The following CDC42BPA variants were observed in gnomAD, a reference collection of about 807,000 sequenced individuals.
CDC42BPA encodes serine/threonine-protein kinase MRCK alpha.
In CDC42BPA, 80 loss-of-function variants were observed where a neutral mutation model predicts 223.5. The observed-to-expected ratio is 0.36, with a 90% CI of 0.30 to 0.43. CDC42BPA has a LOEUF of 0.43. CDC42BPA is among the 20% of genes least tolerant of loss of function. CDC42BPA has a pLI of 1.00. For synonymous variants in CDC42BPA, 694 were observed against 718.6 expected, an observed-to-expected ratio of 0.97 and a Z score of 0.55; for missense variants, 1,743 against 2,099.9, an observed-to-expected ratio of 0.83 and a Z score of 3.32.
chr1:227,227,634 T>C (rs946786501), intron 2 of CDC42BPA, among the ~76,000 whole-genome samples: 17 of 152,202 alleles, frequency 1.1e-4, no homozygotes, highest in African/African-American at 4.1e-4. Flanking sequence ...TATCCAGGCA[T>C]CATAGCTGGC....
chr1:227,051,263 G>A (rs1433931801), intron 22 of CDC42BPA, among the ~76,000 whole-genome samples: 9 of 152,196 alleles, frequency 5.9e-5, no homozygotes, highest in African/African-American at 2.2e-4. Flanking sequence ...TGATCTTAAG[G>A]TAGGATGGTA....
chr1:227,217,264 T>C (rs1675020694), intron 2 of CDC42BPA, among the ~76,000 whole-genome samples: 1 of 151,748 alleles, frequency 6.6e-6, no homozygotes, highest in African/African-American at 2.4e-5. Context: ...CTGGCCAACA[T>C]AATGAAACCC....
chr1:227,224,124 GT>G (rs2147894402), intron 2 of CDC42BPA, among the ~76,000 whole-genome samples: 1 of 151,790 alleles, frequency 6.6e-6, no homozygotes, highest in Non-Finnish European at 1.5e-5. Context: ...ATTTTATGAA[GT>G]TTTTGTATTC....
chr1:227,200,385 C>T (rs4525011), intron 3 of CDC42BPA, among the ~76,000 whole-genome samples: 101,994 of 149,590 alleles, frequency 0.68, 35,020 homozygotes, highest in South Asian at 0.73. Flanking sequence ...GGGCCAAGAT[C>T]GCACCACTGC....
intron 14 of CDC42BPA, among the ~76,000 whole-genome samples, chr1:227,105,730 C>T (rs1558508656): frequency 6.6e-6 from 1 of 152,106 alleles, no homozygotes; most frequent in Non-Finnish European, 1.5e-5. Flanking sequence ...GCTTCTTTTA[C>T]TTAGTACGTT....
intron 24 of CDC42BPA, among the ~76,000 whole-genome samples, chr1:227,037,994 T>C (rs930787569): frequency 6.6e-6 from 1 of 152,172 alleles, no homozygotes; most frequent in African/African-American, 2.4e-5. Flanking sequence ...GGTGAAATCA[T>C]TGATGCTTTA....
chr1:227,283,408 T>G (rs1417718395), intron 1 of CDC42BPA, among the ~76,000 whole-genome samples: 1 of 152,172 alleles, frequency 6.6e-6, no homozygotes, highest in African/African-American at 2.4e-5. Context: ...ATGATAATAT[T>G]TACTAATAGT....
At chr1:227,161,817 T>G (rs1410191368) in intron 5 of CDC42BPA, among the ~76,000 whole-genome samples, 3 of 152,190 alleles carry the variant, frequency 2.0e-5, no homozygotes, top group East Asian at 3.8e-4. Context: ...AGGCTGTTTA[T>G]AGAAAAAGTT....
At chr1:227,128,495 T>C (rs1460846825) in intron 11 of CDC42BPA, among the ~76,000 whole-genome samples, 2 of 152,196 alleles carry the variant, frequency 1.3e-5, no homozygotes, top group African/African-American at 4.8e-5. Flanking sequence ...CAAAGAATTT[T>C]TGTTTAGTCT....
At position 227,028,638 on chromosome 1, in the gene CDC42BPA, G is replaced by T. The variant is rs376466162; in HGVS notation, c.4432+19C>A. 1.2e-5 allele frequency: 18 copies of T among 1,468,836 alleles called. No homozygotes were observed. The African/African-American group carries it at 2.2e-4, about 18-fold the overall frequency. 91.0% of individuals were successfully genotyped at this position (1,468,836 alleles called of 1,614,324 possible). On this transcript the variant is annotated intron_variant, in intron 30 of 36. Coordinates refer to ENST00000366766, the MANE Select transcript of CDC42BPA (RefSeq NM_001394014.1). ...GAAGAGATATAAAGATAAGACAGCC[G>T]TAAGAAAGAGAATCTTACAACAAGA...
chr1:227,103,592 T>C (rs1459442265), intron 14 of CDC42BPA, among the ~76,000 whole-genome samples: 1 of 151,936 alleles, frequency 6.6e-6, no homozygotes, highest in Non-Finnish European at 1.5e-5. Context: ...TACCAAGGGG[T>C]GCATGGGAAA....
chr1:227,061,113 C>T (rs1217933830), intron 21 of CDC42BPA, among the ~76,000 whole-genome samples: 3 of 152,064 alleles, frequency 2.0e-5, no homozygotes, highest in Admixed American at 6.6e-5. Flanking sequence ...TTAGAAGGCC[C>T]GGAGAGTTCT....
intron 21 of CDC42BPA, among the ~76,000 whole-genome samples, chr1:227,056,999 C>A (rs1304137728): frequency 6.6e-6 from 1 of 152,064 alleles, no homozygotes; most frequent in African/African-American, 2.4e-5. Context: ...AAAATTTATT[C>A]TCAAGTTATT....
chr1:227,040,851 T>C (rs970522551), intron 23 of CDC42BPA, among the ~76,000 whole-genome samples: 4 of 152,220 alleles, frequency 2.6e-5, no homozygotes, highest in Admixed American at 1.3e-4. Flanking sequence ...AAAGGTATCT[T>C]AGTCTTACCT....
At chr1:227,254,847 G>A (rs555249432) in intron 1 of CDC42BPA, among the ~76,000 whole-genome samples, 17 of 152,172 alleles carry the variant, frequency 1.1e-4, no homozygotes, top group Non-Finnish European at 2.5e-4. Flanking sequence ...ATTGAACCTT[G>A]AGGACTAAAT....
chr1:227,009,835 A>G (rs1450388037), intron 34 of CDC42BPA, among the ~76,000 whole-genome samples: 1 of 152,206 alleles, frequency 6.6e-6, no homozygotes, highest in African/African-American at 2.4e-5. Flanking sequence ...TTTAAGTGAT[A>G]TAATAATTTA....
chr1:227,211,825 A>G (rs1673962700), intron 3 of CDC42BPA, among the ~76,000 whole-genome samples: 2 of 152,084 alleles, frequency 1.3e-5, no homozygotes, highest in Admixed American at 1.3e-4. Flanking sequence ...AATGTTCACT[A>G]TTTGGGTGAT....
intron 16 of CDC42BPA, among the ~76,000 whole-genome samples, chr1:227,085,630 C>T (rs1681700807): frequency 6.6e-6 from 1 of 152,202 alleles, no homozygotes; most frequent in South Asian, 2.1e-4. Context: ...TTGTTTTATG[C>T]ATATAGAGTT....
chr1:227,177,308 C>T (rs912408909), intron 5 of CDC42BPA, among the ~76,000 whole-genome samples: 7 of 152,050 alleles, frequency 4.6e-5, no homozygotes, highest in Admixed American at 2.0e-4. Flanking sequence ...TTTTGGGTTA[C>T]CTTTATCTGA....
Sources: gnomAD v4.1 joint callset for allele counts (sites outside exome capture counted in the v4.1 genomes callset) on GRCh38, gnomAD v4.1.1 for gene constraint, MANE v1.5 for transcripts, NCBI Gene and HGNC (gene_info 2026-07-23, HGNC 2026-07-21) for gene names.